Variants in PARD3B observed in about 807,000 individuals in gnomAD.
PARD3B encodes partitioning defective 3 homolog B.
PARD3B carries 103 observed loss-of-function variants against 130.2 expected under a neutral mutation model. That is an observed-to-expected ratio of 0.79 (90% CI 0.67 to 0.93). The LOEUF (loss-of-function observed/expected upper bound fraction) is 0.93, where lower values mean the gene tolerates loss of function less well. Ranked by LOEUF, PARD3B falls within the 40% of genes least tolerant of loss-of-function variation. The probability of loss-of-function intolerance (pLI) is 0.00; values close to 1 mark genes in which losing one functional copy is unlikely to be tolerated. For missense variants in PARD3B, 1,609 were observed against 1,499.2 expected (o/e 1.07, Z -1.21); for synonymous variants, 583 against 553.2 (o/e 1.05, Z -0.76).
chr2:205,102,708 AT>A (rs920082195), intron 4 of PARD3B, among the ~76,000 whole-genome samples: 3 of 152,008 alleles, frequency 2.0e-5, no homozygotes, highest in African/African-American at 4.8e-5. Flanking sequence ...AGTGAGAGAC[AT>A]TTTTTTTAAC....
At chr2:205,387,300 A>G (rs1274037470) in intron 18 of PARD3B, among the ~76,000 whole-genome samples, 2 of 152,192 alleles carry the variant, frequency 1.3e-5, no homozygotes, top group Non-Finnish European at 2.9e-5. Context: ...TGGCCTTTGT[A>G]GAACTACCTC....
rs542930320 is a variant in PARD3B, at chr2:205,292,720, A to T, written c.2186-7810A>T. The stretch of plus-strand genomic sequence containing the variant: ...CCACCTTTTTTTCTAGTTTTCTCTC[A>T]TCATGAACATACAGTTGAATTTGGG... On this transcript the variant is annotated intron_variant, in intron 16 of 22. Transcript: ENST00000406610. The surrounding 1 kb of genome is among the most constrained non-coding windows in gnomAD (Gnocchi z 5.3). 2.6e-5 allele frequency among the ~76,000 whole-genome samples: 4 copies of T among 152,278 alleles called. No individual in the cohort carries two copies. In the South Asian group the frequency reaches 8.3e-4, roughly 32 times the overall value.
intron 2 of PARD3B, among the ~76,000 whole-genome samples, chr2:204,854,539 G>A (rs1210615134): frequency 1.3e-5 from 2 of 152,114 alleles, no homozygotes; most frequent in African/African-American, 4.8e-5. Context: ...GTGGTGAAAT[G>A]TTCTAGAGGA....
intron 10 of PARD3B, among the ~76,000 whole-genome samples, chr2:205,132,792 A>C (rs1376082726): frequency 6.6e-6 from 1 of 152,154 alleles, no homozygotes; most frequent in Admixed American, 6.5e-5. Context: ...GGATAAAAGC[A>C]ACACCTACCT....
In PARD3B at chr2:205,021,628, C is replaced by T. The variant is rs1696615192; in HGVS notation, c.395-25953C>T. On this transcript the variant is annotated intron_variant, in intron 3 of 22. Transcript: ENST00000406610. The surrounding 1 kb of genome is among the most constrained non-coding windows in gnomAD (Gnocchi z 4.5). Reference sequence around the variant, plus strand: ...TCTCTCTCTCTCTCTCTCCCTCTCTCTTTCTCTCTCTCTCTCTCTCTCTAT... The same window carrying T: ...TCTCTCTCTCTCTCTCTCCCTCTCTTTTTCTCTCTCTCTCTCTCTCTCTAT... Among the ~76,000 whole-genome samples the T allele has an allele frequency of 8.4e-6, 1 of 119,628 alleles. No individual in the cohort carries two copies. The highest frequency in any genetic ancestry group is 3.2e-5 in the African/African-American group (1 of 31,092). 78.5% of individuals were successfully genotyped at this position (119,628 alleles called of 152,430 possible).
intron 21 of PARD3B, among the ~76,000 whole-genome samples, chr2:205,526,556 C>T (rs945886617): frequency 2.0e-5 from 3 of 152,126 alleles, no homozygotes; most frequent in Admixed American, 6.5e-5. Context: ...TCCAACTGCT[C>T]GTCTGCTGTT....
intron 13 of PARD3B, among the ~76,000 whole-genome samples, chr2:205,180,073 A>T (rs2035702080): frequency 6.6e-6 from 1 of 152,032 alleles, no homozygotes; most frequent in Admixed American, 6.6e-5. Flanking sequence ...TGAAAAAAAT[A>T]TATAAATTAA....
intron 2 of PARD3B, among the ~76,000 whole-genome samples, chr2:204,704,479 C>G (rs188656606): frequency 6.6e-6 from 1 of 152,054 alleles, no homozygotes; most frequent in South Asian, 2.1e-4. Flanking sequence ...TATAAACAAT[C>G]TTCATAAAGA....
intron 2 of PARD3B, among the ~76,000 whole-genome samples, chr2:204,870,138 GC>G (rs1001899889): frequency 2.0e-5 from 3 of 151,932 alleles, no homozygotes; most frequent in Admixed American, 6.6e-5. Context: ...TCTCTTTCTT[GC>G]CCTTTTCCAA....
intron 2 of PARD3B, among the ~76,000 whole-genome samples, chr2:204,765,442 G>A (rs574454771): frequency 1.3e-5 from 2 of 152,142 alleles, no homozygotes; most frequent in Non-Finnish European, 2.9e-5. Context: ...TCTGAGTTCT[G>A]ATCTTAACCT....
chr2:205,139,311 C>T (rs2032751419), intron 10 of PARD3B, among the ~76,000 whole-genome samples: 1 of 152,028 alleles, frequency 6.6e-6, no homozygotes, highest in Non-Finnish European at 1.5e-5. Context: ...CTACTTAAAG[C>T]TTGTTTCCAT....
chr2:205,546,873 A>G (rs1313941391), intron 21 of PARD3B, among the ~76,000 whole-genome samples: 1 of 152,238 alleles, frequency 6.6e-6, no homozygotes, highest in East Asian at 1.9e-4. Context: ...TCATGTTTTA[A>G]AATATATCCA....
At chr2:205,150,248 T>TGC (rs1326918020) in intron 10 of PARD3B, among the ~76,000 whole-genome samples, 147 of 119,728 alleles carry the variant, frequency 1.2e-3, no homozygotes, top group Middle Eastern at 3.8e-3. Context: ...TGTGTGTGTG[T>TGC]GTGTGCACAC....
chr2:204,910,728 C>CTCTCCCGGGTTCACGCCAT (rs1177131938), intron 2 of PARD3B, among the ~76,000 whole-genome samples: 1 of 152,078 alleles, frequency 6.6e-6, no homozygotes, highest in Non-Finnish European at 1.5e-5. Flanking sequence ...CAAGCTCCGC[C>CTCTCCCGGGTTCACGCCAT]TCTCCCGGGT....
chr2:204,712,913 A>G (rs937324521), intron 2 of PARD3B, among the ~76,000 whole-genome samples: 2 of 152,048 alleles, frequency 1.3e-5, no homozygotes, highest in Admixed American at 6.5e-5. Flanking sequence ...GTCGAGTTTT[A>G]TATGGTTTAG....
intron 15 of PARD3B, among the ~76,000 whole-genome samples, chr2:205,201,666 T>C (rs1172043148): frequency 6.6e-6 from 1 of 152,064 alleles, no homozygotes; most frequent in East Asian, 1.9e-4. Flanking sequence ...GGAGAAACCC[T>C]GTCTCTACTA....
intron 2 of PARD3B, among the ~76,000 whole-genome samples, chr2:204,793,036 A>G (rs1020041861): frequency 1.3e-5 from 2 of 152,182 alleles, no homozygotes; most frequent in African/African-American, 4.8e-5. Flanking sequence ...TGTCATGAGC[A>G]GGAATAAGGA....
At chr2:205,570,352 C>A (rs184545479) in intron 22 of PARD3B, among the ~76,000 whole-genome samples, 8 of 152,320 alleles carry the variant, frequency 5.3e-5, no homozygotes, top group African/African-American at 1.9e-4. Flanking sequence ...TAAATCCTCA[C>A]ATTATAGTTC....
In PARD3B at chr2:205,172,229, A is replaced by G; in HGVS notation, c.1639A>G (p.Asn547Asp). Reference sequence around the variant, plus strand: ...GCCTTAGGATGGTCGTCTGCGAATGAATGACCAGCTGATTGCAGTTAATGG... The same window carrying G: ...GCCTTAGGATGGTCGTCTGCGAATGGATGACCAGCTGATTGCAGTTAATGG... ...AAFKDGRLRM[N>D]DQLIAVNGES... Residue 547 changes from asparagine (N) to aspartate (D), a missense_variant, in exon 12 of 23, where the codon AAT (asparagine) becomes GAT (aspartate). Physicochemically the swap from Asn to Asp is conservative, Grantham distance 23. Transcript: ENST00000406610. 1.2e-6 allele frequency: 2 copies of G among 1,614,140 alleles called. No individual in the cohort carries two copies. Among genetic ancestry groups the G allele is most frequent in the South Asian group, 2.2e-5 (2 of 91,076 alleles).
Sources: allele counts gnomAD v4.1 joint callset (sites outside exome capture counted in the v4.1 genomes callset), GRCh38; gene constraint gnomAD v4.1.1; non-coding constraint Gnocchi (gnomAD v3.1); transcripts MANE v1.5; gene names NCBI Gene and HGNC (gene_info 2026-07-23, HGNC 2026-07-21).